The following CGGBP1 variants were observed in gnomAD, a reference collection of about 807,000 sequenced individuals.
CGGBP1 encodes the protein CGG triplet repeat-binding protein 1.
Under a neutral mutation model 11.4 loss-of-function variants are expected in CGGBP1, and 4 were observed. That is an observed-to-expected ratio of 0.35 (90% confidence interval 0.17 to 0.80). The LOEUF (loss-of-function observed/expected upper bound fraction) is 0.80, where lower values mean the gene tolerates loss of function less well. Among genes scored for constraint, CGGBP1 ranks in the 30% least tolerant of loss-of-function variants. CGGBP1 has a pLI of 0.52. For synonymous variants in CGGBP1, 76 were observed against 74.1 expected, an observed-to-expected ratio of 1.03 and a Z score of -0.13; for missense variants, 135 against 202.1, an observed-to-expected ratio of 0.67 and a Z score of 2.01.
chr3:88,052,511 G>A lies in CGGBP1; in HGVS notation c.*2962C>T, dbSNP rs1463054038. The stretch of plus-strand genomic sequence containing the variant: ...TTTTGTGTTTTCCATTAACATTCAT[G>A]TGCAAATTCTTACAGGCAAAAGTTT... On this transcript the variant is annotated 3_prime_UTR_variant, in exon 4 of 4. Coordinates refer to ENST00000482016, the MANE Select transcript of CGGBP1 (RefSeq NM_001008390.2). 6.6e-6 allele frequency: 1 copy of A among 152,602 alleles called. No homozygotes were observed. The highest frequency in any genetic ancestry group is 1.5e-5 in the Non-Finnish European group (1 of 68,034). 9.5% of individuals were successfully genotyped at this position (152,602 alleles called of 1,614,324 possible).
intron 2 of CGGBP1, among the ~76,000 whole-genome samples, chr3:88,088,767 TGG>T (rs1223936652): frequency 1.4e-4 from 21 of 151,480 alleles, no homozygotes; most frequent in African/African-American, 4.1e-4. Context: ...TATGTATGGA[TGG>T]ATGGATGGAT....
At chr3:88,120,142 T>G (rs1478859873) in intron 2 of CGGBP1, among the ~76,000 whole-genome samples, 3 of 152,166 alleles carry the variant, frequency 2.0e-5, no homozygotes, top group Non-Finnish European at 4.4e-5. Context: ...CTGAGAGTCA[T>G]CTTAAAAATT....
At chr3:88,059,186 CCAGCCGAGAGGCCCCTGTCCGG>C, upstream of CGGBP1, 1 of 1,432,508 alleles carries the variant, frequency 7.0e-7, no homozygotes, top group Non-Finnish European at 9.1e-7. Context: ...GAAGTAGAGC[CCAGCCGAGAGGCCCCTGTCCGG>C]CTAGGGAGGA....
chr3:88,113,480 G>A (rs767848598), intron 2 of CGGBP1, among the ~76,000 whole-genome samples: 2 of 152,234 alleles, frequency 1.3e-5, no homozygotes, highest in East Asian at 1.9e-4. Context: ...GGTGAAAAAC[G>A]ATTCTTCTTT....
At chr3:88,078,488 A>T (rs1707926458) in intron 2 of CGGBP1, among the ~76,000 whole-genome samples, 1 of 152,178 alleles carries the variant, frequency 6.6e-6, no homozygotes, top group African/African-American at 2.4e-5. Flanking sequence ...GAAGATACAA[A>T]TAACTGAAGA....
intron 2 of CGGBP1, chr3:88,129,706 G>A: frequency 1.3e-6 from 2 of 1,500,324 alleles, no homozygotes; most frequent in Non-Finnish European, 8.9e-7. Context: ...AAAACTGATT[G>A]TAAGAGTGGA....
At chr3:88,083,941 T>TATATATATATATATATATATA (rs1708208971) in intron 2 of CGGBP1, among the ~76,000 whole-genome samples, 5 of 147,692 alleles carry the variant, frequency 3.4e-5, no homozygotes, top group Non-Finnish European at 4.5e-5. Context: ...TGTACTTATT[T>TATATATATATATATATATATA]TATATATATA....
chr3:88,149,450 C>A (rs955922326), intron 1 of CGGBP1, among the ~76,000 whole-genome samples: 1 of 152,278 alleles, frequency 6.6e-6, no homozygotes, highest in Non-Finnish European at 1.5e-5. Context: ...AGAGGAAAGT[C>A]CGCTGGAAGG....
At chr3:88,143,598 T>C (rs948004769) in intron 1 of CGGBP1, 1 of 152,324 alleles carries the variant, frequency 6.6e-6, no homozygotes, top group African/African-American at 2.4e-5. Flanking sequence ...CCACAAGTTG[T>C]AACAATTGAT....
intron 2 of CGGBP1, among the ~76,000 whole-genome samples, chr3:88,069,249 C>T (rs1707370670): frequency 1.3e-5 from 2 of 152,076 alleles, no homozygotes; most frequent in Admixed American, 6.5e-5. Flanking sequence ...TGGTGAAACC[C>T]CATCTCTACT....
chr3:88,073,564 A>G (rs1431240616), intron 2 of CGGBP1, among the ~76,000 whole-genome samples: 3 of 152,224 alleles, frequency 2.0e-5, no homozygotes, highest in Admixed American at 6.5e-5. Context: ...TGTATACTAA[A>G]GTACTTAGCA....
chr3:88,116,236 A>G (rs185948820), intron 2 of CGGBP1, among the ~76,000 whole-genome samples: 2 of 152,132 alleles, frequency 1.3e-5, no homozygotes, highest in Admixed American at 1.3e-4. Flanking sequence ...AATAAGATAT[A>G]TGGGCCAGGC....
In CGGBP1 at chr3:88,098,625, T is replaced by G. The variant is rs147322014; in HGVS notation, c.-228-40402A>C. On this transcript the variant is annotated intron_variant, in intron 2 of 3. Transcript: ENST00000462901. Reference sequence around the variant, plus strand: ...GAATCCAGCAGCACAGCAAAAAGCTTATCCACCATGATCAAGTGGGCTTCA... The same window carrying G: ...GAATCCAGCAGCACAGCAAAAAGCTGATCCACCATGATCAAGTGGGCTTCA... Among the ~76,000 whole-genome samples the G allele has an allele frequency of 2.6e-3, 402 of 152,250 alleles. 1 individual carries two copies. The highest frequency in any genetic ancestry group is 9.3e-3 in the African/African-American group (388 of 41,548).
At chr3:88,112,815 T>C (rs1372066189) in intron 2 of CGGBP1, among the ~76,000 whole-genome samples, 1 of 152,028 alleles carries the variant, frequency 6.6e-6, no homozygotes, top group Non-Finnish European at 1.5e-5. Flanking sequence ...ATAGCTATCA[T>C]TGTTGTGACC....
At chr3:88,077,878 C>CT (rs1240139207) in intron 2 of CGGBP1, among the ~76,000 whole-genome samples, 3 of 152,122 alleles carry the variant, frequency 2.0e-5, no homozygotes, top group Admixed American at 2.0e-4. Context: ...TCTGTATACT[C>CT]TGTGTTGTAG....
chr3:88,092,398 G>A (rs973287535), intron 2 of CGGBP1, among the ~76,000 whole-genome samples: 32 of 152,110 alleles, frequency 2.1e-4, no homozygotes, highest in African/African-American at 7.7e-4. Flanking sequence ...TTATATAATT[G>A]TAGTTAGGAG....
chr3:88,116,844 CTTTG>C (rs891669621), intron 2 of CGGBP1, among the ~76,000 whole-genome samples: 19 of 152,066 alleles, frequency 1.2e-4, no homozygotes, highest in African/African-American at 4.3e-4. Context: ...CTTCTTCTCT[CTTTG>C]TTTGGGCATG....
intron 2 of CGGBP1, among the ~76,000 whole-genome samples, chr3:88,103,704 C>T (rs1704565753): frequency 6.7e-6 from 1 of 148,576 alleles, no homozygotes; most frequent in Non-Finnish European, 1.5e-5. Context: ...TCAGAAATTG[C>T]AAGTTAAAAC....
intron 2 of CGGBP1, chr3:88,139,211 T>C: frequency 6.8e-7 from 1 of 1,464,184 alleles, no homozygotes; most frequent in Non-Finnish European, 9.0e-7. Context: ...ATCCTGATGA[T>C]GTATCTGGAG....
Sources: gnomAD v4.1 joint callset for allele counts (sites outside exome capture counted in the v4.1 genomes callset) on GRCh38, gnomAD v4.1.1 for gene constraint, MANE v1.5 for transcripts, NCBI Gene and HGNC (gene_info 2026-07-23, HGNC 2026-07-21) for gene names.